Variants in ST6GAL2 observed in about 807,000 individuals in gnomAD.
ST6GAL2 encodes ST6 beta-galactoside alpha-2,6-sialyltransferase 2.
Under a neutral mutation model 37.5 loss-of-function variants are expected in ST6GAL2, and 24 were observed. The ratio of observed to expected loss-of-function variants is 0.64; its 90% CI spans 0.46 to 0.90. The LOEUF (loss-of-function observed/expected upper bound fraction) is 0.90, where lower values mean the gene tolerates loss of function less well. Among genes scored for constraint, ST6GAL2 ranks in the 40% least tolerant of loss-of-function variants. ST6GAL2 has a pLI of 0.00. For synonymous variants in ST6GAL2, 306 were observed against 295.1 expected, an observed-to-expected ratio of 1.04 and a Z score of -0.38; for missense variants, 715 against 712.7, an observed-to-expected ratio of 1.00 and a Z score of -0.04.
intron 1 of ST6GAL2, among the ~76,000 whole-genome samples, chr2:106,869,490 T>G (rs1678172808): frequency 6.6e-6 from 1 of 152,046 alleles, no homozygotes; most frequent in Admixed American, 6.5e-5. Context: ...AAGCCCGCAA[T>G]TTGGAAATGG....
Position 106,802,329 on chromosome 2 carries a change from A to G in ST6GAL2, c.*4349T>C, listed in dbSNP as rs141727972. On this transcript the variant is annotated 3_prime_UTR_variant, in exon 6 of 6. Transcript: ENST00000409382. The stretch of plus-strand genomic sequence containing the variant: ...AAACCAACCATGTGTGTAGATATGT[A>G]TATACACAATTATATAACTATATCT... 74 of 152,050 alleles carry G rather than the reference A, an allele frequency of 4.9e-4. 1 individual carries two copies. The highest frequency in any genetic ancestry group is 1.7e-3 in the African/African-American group (69 of 41,472). The allele number at this position is 152,050 out of a possible 1,614,324, so 9.4% of individuals were successfully genotyped here. A position where few individuals can be genotyped will look rare whatever the true frequency, so the allele number is the denominator to read the frequency against.
chr2:106,846,487 T>A (rs910420069), intron 1 of ST6GAL2, among the ~76,000 whole-genome samples: 5 of 152,156 alleles, frequency 3.3e-5, no homozygotes. Flanking sequence ...ATCAGTAACA[T>A]ATACAACTAT....
intron 1 of ST6GAL2, among the ~76,000 whole-genome samples, chr2:106,853,704 T>C (rs1413925005): frequency 3.3e-5 from 5 of 152,180 alleles, no homozygotes; most frequent in Non-Finnish European, 4.4e-5. Context: ...ATTCCAGCAG[T>C]ACAGGGTTTT....
chr2:106,869,417 C>T (rs1453928956), intron 1 of ST6GAL2, among the ~76,000 whole-genome samples: 1 of 152,174 alleles, frequency 6.6e-6, no homozygotes, highest in East Asian at 1.9e-4. Flanking sequence ...TTCATCTTCT[C>T]CCGCAGGAAC....
At position 106,806,928 on chromosome 2, in the gene ST6GAL2, A is replaced by C; in HGVS notation, c.1340T>G (p.Met447Arg). 1.2e-6 allele frequency: 2 copies of C among 1,612,160 alleles called. No homozygotes were observed. The highest frequency in any genetic ancestry group is 1.7e-6 in the Non-Finnish European group (2 of 1,178,414). ...TTCATACACGTGCACCTCTCTGCAC[A>C]TGGACATCATTATGAGGATTCCTGA... is the stretch of plus-strand genomic sequence containing the variant. ...GFIGILIMMS[M>R]CREVHVYEYI... Residue 447 changes from methionine (M) to arginine (R), a missense_variant, in exon 6 of 6, where the codon ATG (methionine) becomes AGG (arginine). By Grantham distance (91) the Met-to-Arg change is moderately conservative. Around this residue, in one of 3 missense-constraint regions of ST6GAL2, gnomAD observed 198 missense variants for 203.6 expected, o/e 0.97. Coordinates refer to ENST00000409382, the MANE Select transcript of ST6GAL2 (RefSeq NM_001142351.2).
intron 1 of ST6GAL2, among the ~76,000 whole-genome samples, chr2:106,867,761 G>C (rs1180870273): frequency 6.6e-6 from 1 of 152,016 alleles, no homozygotes; most frequent in Non-Finnish European, 1.5e-5. Flanking sequence ...CAGTTTCAAA[G>C]AGGGTTTGTT....
rs998584220 is a variant in ST6GAL2, at chr2:106,843,327, C to T, written c.651G>A (p.Leu217=). The T allele has an allele frequency of 5.6e-6, 9 of 1,613,926 alleles. No homozygotes were observed. Among genetic ancestry groups the T allele is most frequent in the Non-Finnish European group, 7.6e-6 (9 of 1,180,012 alleles). Residue 217 remains leucine (L), a synonymous_variant, in exon 2 of 6, where the codon CTG becomes CTA. Coordinates refer to ENST00000409382, the MANE Select transcript of ST6GAL2 (RefSeq NM_001142351.2). ...TCATCGCCTTCTGCAGGCGCGGGTT[C>T]AGCATTTTGGAAGAGACGTTCCCCT... The part of the protein sequence containing the change: ...LWKGNVSSKM[L]NPRLQKAMKD...
intron 2 of ST6GAL2, 124 bp downstream of exon 2, chr2:106,842,911 G>T: frequency 1.7e-6 from 1 of 593,864 alleles, no homozygotes; most frequent in Non-Finnish European, 2.6e-6. Context: ...CTAATATTAG[G>T]AACACCTGGT....
At position 106,803,669 on chromosome 2, in the gene ST6GAL2, T is replaced by C. The variant is rs1224554910; in HGVS notation, c.*3009A>G. ...ACAACAACAACAACAGGTGAAATTA[T>C]CTTGAAATACAAAAGAACGTCTGTT... On this transcript the variant is annotated 3_prime_UTR_variant, in exon 6 of 6. Coordinates refer to ENST00000409382, the MANE Select transcript of ST6GAL2 (RefSeq NM_001142351.2). The C allele has an allele frequency of 6.6e-6, 1 of 152,040 alleles. No individual in the cohort carries two copies. The highest frequency in any genetic ancestry group is 1.5e-5 in the Non-Finnish European group (1 of 68,010). 9.4% of individuals were successfully genotyped at this position (152,040 alleles called of 1,614,324 possible).
At chr2:106,869,466 G>A (rs1322127185) in intron 1 of ST6GAL2, among the ~76,000 whole-genome samples, 1 of 152,064 alleles carries the variant, frequency 6.6e-6, no homozygotes, top group African/African-American at 2.4e-5. Flanking sequence ...AGGGATAACT[G>A]CTCCCATCCT....
intron 5 of ST6GAL2, among the ~76,000 whole-genome samples, chr2:106,817,514 G>C (rs1231046562): frequency 6.6e-6 from 1 of 152,204 alleles, no homozygotes; most frequent in Non-Finnish European, 1.5e-5. Context: ...AGTCCTGGCA[G>C]GATCCATCAT....
intron 1 of ST6GAL2, among the ~76,000 whole-genome samples, chr2:106,869,849 C>A (rs1267648328): frequency 6.6e-6 from 1 of 152,204 alleles, no homozygotes; most frequent in Non-Finnish European, 1.5e-5. Flanking sequence ...CTGCACCTCA[C>A]CCCTTCCTGA....
chr2:106,869,675 G>T (rs1244109767), intron 1 of ST6GAL2, among the ~76,000 whole-genome samples: 1 of 152,204 alleles, frequency 6.6e-6, no homozygotes, highest in African/African-American at 2.4e-5. Flanking sequence ...GAAAGGGTTT[G>T]TTTGTTTTTA....
chr2:106,825,662 G>C (rs1364431981), intron 5 of ST6GAL2, among the ~76,000 whole-genome samples: 5 of 152,234 alleles, frequency 3.3e-5, no homozygotes, highest in African/African-American at 1.2e-4. Context: ...GCTAACAGCA[G>C]AAATACAATG....
At chr2:106,849,024 G>A (rs1022994214) in intron 1 of ST6GAL2, among the ~76,000 whole-genome samples, 2 of 152,170 alleles carry the variant, frequency 1.3e-5, no homozygotes, top group Admixed American at 1.3e-4. Flanking sequence ...TGATTCTGCT[G>A]GAACTTCTCT....
At chr2:106,871,834 T>G (rs1269781007) in intron 1 of ST6GAL2, among the ~76,000 whole-genome samples, 1 of 152,222 alleles carries the variant, frequency 6.6e-6, no homozygotes, top group Non-Finnish European at 1.5e-5. Flanking sequence ...GGGGCTGTTT[T>G]ACAGGTAACT....
chr2:106,866,560 C>T (rs577788428), intron 1 of ST6GAL2, among the ~76,000 whole-genome samples: 2 of 152,276 alleles, frequency 1.3e-5, no homozygotes, highest in East Asian at 3.9e-4. Flanking sequence ...AGTGGAGGAT[C>T]CCACAGCTCC....
At chr2:106,841,599 G>T (rs1212429835) in intron 2 of ST6GAL2, among the ~76,000 whole-genome samples, 2 of 152,192 alleles carry the variant, frequency 1.3e-5, no homozygotes, top group Non-Finnish European at 2.9e-5. Flanking sequence ...AAGAAGGGGG[G>T]TTCCGGGAGC....
intron 5 of ST6GAL2, among the ~76,000 whole-genome samples, chr2:106,825,810 C>T (rs935590664): frequency 2.6e-5 from 4 of 152,174 alleles, no homozygotes; most frequent in African/African-American, 9.7e-5. Context: ...GGTTTCTTCA[C>T]CACCAGGTTT....
Sources: allele counts gnomAD v4.1 joint callset (sites outside exome capture counted in the v4.1 genomes callset), GRCh38; gene constraint gnomAD v4.1.1; regional missense constraint gnomAD v4.1.1; transcripts MANE v1.5; gene names NCBI Gene and HGNC (gene_info 2026-07-23, HGNC 2026-07-21).